Variants in CACNA2D3 observed in about 807,000 individuals in gnomAD.
CACNA2D3 encodes calcium voltage-gated channel auxiliary subunit alpha2delta 3.
In CACNA2D3, 60 loss-of-function variants were observed where a neutral mutation model predicts 160.6. The ratio of observed to expected loss-of-function variants is 0.37; its 90% CI spans 0.30 to 0.46. The LOEUF (loss-of-function observed/expected upper bound fraction) is 0.46. Among genes scored for constraint, CACNA2D3 ranks in the 20% least tolerant of loss-of-function variants. CACNA2D3 has a pLI of 1.00. For missense variants in CACNA2D3, 1,205 were observed against 1,365.0 expected (o/e 0.88, Z 1.85); for synonymous variants, 558 against 492.9 (o/e 1.13, Z -1.75).
intron 4 of CACNA2D3, among the ~76,000 whole-genome samples, chr3:54,444,609 C>T (rs915409703): frequency 2.0e-5 from 3 of 152,164 alleles, no homozygotes; most frequent in Non-Finnish European, 4.4e-5. Flanking sequence ...ATCAAGGAGG[C>T]CACATAACAT....
chr3:54,786,068 T>G (rs1357434362), intron 13 of CACNA2D3, among the ~76,000 whole-genome samples: 1 of 152,216 alleles, frequency 6.6e-6, no homozygotes, highest in Admixed American at 6.5e-5. Flanking sequence ...TCTTTATGTT[T>G]CAAGTTACAA....
chr3:54,697,538 A>G (rs1021196863), intron 11 of CACNA2D3, among the ~76,000 whole-genome samples: 1 of 152,128 alleles, frequency 6.6e-6, no homozygotes, highest in African/African-American at 2.4e-5. Context: ...CTCACTCCCA[A>G]GAATACATGT....
chr3:54,232,260 G>A (rs536474066), intron 2 of CACNA2D3, among the ~76,000 whole-genome samples: 1 of 152,238 alleles, frequency 6.6e-6, no homozygotes, highest in African/African-American at 2.4e-5. Flanking sequence ...TGAAGCTTGG[G>A]GGTTTTCAGC....
At chr3:54,417,694 A>G (rs1009270984) in intron 4 of CACNA2D3, among the ~76,000 whole-genome samples, 8 of 151,334 alleles carry the variant, frequency 5.3e-5, no homozygotes, top group Non-Finnish European at 1.0e-4. Flanking sequence ...TTCCAAGGAA[A>G]GATTGATTGG....
At chr3:54,840,163 A>G (rs1298055299) in intron 16 of CACNA2D3, among the ~76,000 whole-genome samples, 1 of 152,118 alleles carries the variant, frequency 6.6e-6, no homozygotes, top group Non-Finnish European at 1.5e-5. Flanking sequence ...CCGAGCCACT[A>G]CTTGATACGT....
chr3:54,393,584 C>T lies in CACNA2D3; in HGVS notation c.381+6810C>T, dbSNP rs530046267. ...CCTACCCCTCCCAGTCACTATCGTG[C>T]TTCGCCCCTCAGAGCTTAAGCAGAA... On this transcript the variant is annotated intron_variant, in intron 4 of 37. Coordinates refer to ENST00000474759, the MANE Select transcript of CACNA2D3 (RefSeq NM_018398.3). Among the ~76,000 whole-genome samples, 37 of 152,352 alleles carry T rather than the reference C, an allele frequency of 2.4e-4. No homozygotes were observed. The South Asian group carries it at 6.8e-3, about 28-fold the overall frequency.
At chr3:54,947,981 TA>T (rs1701656663) in intron 27 of CACNA2D3, among the ~76,000 whole-genome samples, 1 of 152,190 alleles carries the variant, frequency 6.6e-6, no homozygotes, top group Admixed American at 6.5e-5. Context: ...TGGCAAATGC[TA>T]ATCTGGAACC....
chr3:54,712,070 A>G (rs758671231), intron 11 of CACNA2D3, among the ~76,000 whole-genome samples: 1 of 152,184 alleles, frequency 6.6e-6, no homozygotes, highest in African/African-American at 2.4e-5. Context: ...TTAAAATTCT[A>G]ACTCTACAAC....
intron 4 of CACNA2D3, among the ~76,000 whole-genome samples, chr3:54,473,743 CAAA>C (rs1700778158): frequency 6.6e-6 from 1 of 152,144 alleles, no homozygotes; most frequent in South Asian, 2.1e-4. Context: ...AGACACTTCT[CAAA>C]AGAAGACATT....
intron 10 of CACNA2D3, chr3:54,638,580 G>T (rs1408940325): frequency 6.6e-6 from 1 of 151,886 alleles, no homozygotes; most frequent in African/African-American, 2.4e-5. Flanking sequence ...AGAAAAGGAA[G>T]ATTAGAAAGA....
At chr3:54,157,815 A>C (rs2107292163) in intron 2 of CACNA2D3, among the ~76,000 whole-genome samples, 1 of 138,310 alleles carries the variant, frequency 7.2e-6, no homozygotes, top group East Asian at 2.1e-4. Context: ...AAGCAAAAAA[A>C]GCAAAAAAAC....
intron 5 of CACNA2D3, among the ~76,000 whole-genome samples, chr3:54,516,793 G>A (rs1003648869): frequency 1.3e-5 from 2 of 152,148 alleles, no homozygotes; most frequent in African/African-American, 4.8e-5. Context: ...GACTTTTCTG[G>A]GGTAGATTTT....
At chr3:54,224,568 C>T (rs965974186) in intron 2 of CACNA2D3, among the ~76,000 whole-genome samples, 3 of 152,112 alleles carry the variant, frequency 2.0e-5, no homozygotes, top group African/African-American at 7.2e-5. Flanking sequence ...AGACCACCGT[C>T]GTATATGCCA....
At chr3:54,902,432 T>C (rs1700355613) in intron 27 of CACNA2D3, among the ~76,000 whole-genome samples, 1 of 152,248 alleles carries the variant, frequency 6.6e-6, no homozygotes, top group Non-Finnish European at 1.5e-5. Flanking sequence ...ATTCCATTTG[T>C]ACGCCAGCCT....
chr3:54,156,561 C>T (rs544627841), intron 2 of CACNA2D3, among the ~76,000 whole-genome samples: 2 of 152,300 alleles, frequency 1.3e-5, no homozygotes, highest in African/African-American at 2.4e-5. Context: ...CATTCCCTCC[C>T]GGTCTTCATG....
intron 13 of CACNA2D3, among the ~76,000 whole-genome samples, chr3:54,812,439 G>T (rs1306181166): frequency 1.3e-5 from 2 of 152,212 alleles, no homozygotes; most frequent in Admixed American, 6.5e-5. Flanking sequence ...GGCAAGTGGA[G>T]AGGGGTCTTA....
At chr3:54,700,898 C>G (rs1448980830) in intron 11 of CACNA2D3, among the ~76,000 whole-genome samples, 2 of 152,194 alleles carry the variant, frequency 1.3e-5, no homozygotes, top group Non-Finnish European at 2.9e-5. Context: ...AGACCTAACA[C>G]CAATTCATTA....
At chr3:54,589,772 A>G (rs1160239223) in intron 9 of CACNA2D3, among the ~76,000 whole-genome samples, 1 of 152,250 alleles carries the variant, frequency 6.6e-6, no homozygotes, top group African/African-American at 2.4e-5. Context: ...AAGAGGATAT[A>G]CAGATGGCAA....
intron 2 of CACNA2D3, among the ~76,000 whole-genome samples, chr3:54,268,047 C>G (rs1702552754): frequency 6.6e-6 from 1 of 152,100 alleles, no homozygotes; most frequent in African/African-American, 2.4e-5. Flanking sequence ...GGTCTGAAAC[C>G]TATGGTTGGT....
Sources: gnomAD v4.1 joint callset for allele counts (sites outside exome capture counted in the v4.1 genomes callset) on GRCh38, gnomAD v4.1.1 for gene constraint, MANE v1.5 for transcripts, NCBI Gene and HGNC (gene_info 2026-07-23, HGNC 2026-07-21) for gene names.